The following ABCA12 variants were observed in gnomAD, a reference collection of about 807,000 sequenced individuals.
ABCA12 encodes glucosylceramide transporter ABCA12.
In ABCA12, 156 loss-of-function variants were observed where a neutral mutation model predicts 293.5. The ratio of observed to expected loss-of-function variants is 0.53; its 90% CI spans 0.47 to 0.61. ABCA12 has a LOEUF of 0.61. Among genes scored for constraint, ABCA12 ranks in the 20% least tolerant of loss-of-function variants. ABCA12 has a pLI of 0.00. For missense variants in ABCA12, 2,797 were observed against 3,090.2 expected (o/e 0.91, Z 2.25); for synonymous variants, 1,063 against 1,108.0 (o/e 0.96, Z 0.81).
intron 19 of ABCA12, among the ~76,000 whole-genome samples, chr2:215,005,755 T>G (rs1700240511): frequency 6.6e-6 from 1 of 152,236 alleles, no homozygotes; most frequent in South Asian, 2.1e-4. Flanking sequence ...ATTATTTGGG[T>G]GATGGATATG....
intron 1 of ABCA12, among the ~76,000 whole-genome samples, chr2:215,113,732 C>T (rs1702624501): frequency 6.6e-6 from 1 of 152,220 alleles, no homozygotes; most frequent in Admixed American, 6.5e-5. Flanking sequence ...TTTTCTCTAG[C>T]TTGTTATTAA....
intron 13 of ABCA12, among the ~76,000 whole-genome samples, chr2:215,018,981 G>GT (rs1700565185): frequency 6.6e-6 from 1 of 152,090 alleles, no homozygotes; most frequent in Admixed American, 6.5e-5. Context: ...CATCCTTTTG[G>GT]TTTTTTTCCA....
At chr2:214,957,676 C>A (rs757175597) in intron 41 of ABCA12, among the ~76,000 whole-genome samples, 1 of 152,156 alleles carries the variant, frequency 6.6e-6, no homozygotes, top group Non-Finnish European at 1.5e-5. Context: ...CCATCCTGGG[C>A]TTTTGGCCAA....
rs537269523 is a variant in ABCA12 at position 215,031,889 on chromosome 2, G to A, written c.993C>T (p.Ser331=). 53 of 1,613,664 alleles carry A rather than the reference G, an allele frequency of 3.3e-5. No individual in the cohort carries two copies. In the South Asian group the frequency reaches 3.6e-4, roughly 11 times the overall value. Reference sequence around the variant, plus strand: ...CATTCCACACATGCGTTATATTATCGGAGTCACCTGAAGTAATAATTTTTA... The same window carrying A: ...CATTCCACACATGCGTTATATTATCAGAGTCACCTGAAGTAATAATTTTTA... ...YTLDSPAQGD[S]DNITHVWNED... is the part of the protein sequence containing the mutation. Residue 331 remains serine (S), a synonymous_variant, in exon 9 of 53, where the codon TCC becomes TCT. Transcript: ENST00000272895.
At chr2:215,055,362 C>T (rs886362729) in intron 3 of ABCA12, among the ~76,000 whole-genome samples, 1 of 152,020 alleles carries the variant, frequency 6.6e-6, no homozygotes, top group African/African-American at 2.4e-5. Flanking sequence ...AATTAGTAAC[C>T]CCCTCTTTTC....
intron 36 of ABCA12, among the ~76,000 whole-genome samples, chr2:214,972,253 C>T (rs904310855): frequency 7.2e-5 from 11 of 152,082 alleles, no homozygotes; most frequent in Admixed American, 6.5e-4. Context: ...TCTCAAAAAA[C>T]TTAGTACTTT....
chr2:215,095,292 G>A (rs1246836376), intron 2 of ABCA12, among the ~76,000 whole-genome samples: 3 of 152,116 alleles, frequency 2.0e-5, no homozygotes, highest in South Asian at 2.1e-4. Flanking sequence ...AAACCCCCTT[G>A]GGCACTCTCT....
At position 214,968,728 on chromosome 2, in the gene ABCA12, G is replaced by A; in HGVS notation, c.5770C>T (p.Leu1924Phe). 6.2e-7 allele frequency: 1 copy of A among 1,613,178 alleles called. No individual in the cohort carries two copies. Among genetic ancestry groups the A allele is most frequent in the East Asian group, 2.2e-5 (1 of 44,840 alleles). Reference protein sequence around the residue: ...DITGVPANRTLAKVWYDPEGY... With the variant: ...DITGVPANRTFAKVWYDPEGY... ...AAAAGATCAAAATTTACCTTGGCAA[G>A]TGTTCTATTGGCAGGGACTCCTGTT... Residue 1924 changes from leucine to phenylalanine, a missense_variant, in exon 38 of 53, where the codon CTT becomes TTT. Around this residue, in one of 3 missense-constraint regions of ABCA12, gnomAD observed 2,130 missense variants for 2,427.0 expected, o/e 0.88. Coordinates refer to ENST00000272895, the MANE Select transcript of ABCA12 (RefSeq NM_173076.3).
chr2:215,133,132 T>G lies in ABCA12; in HGVS notation c.69+5008A>C, dbSNP rs1645661403. 2.0e-5 allele frequency among the ~76,000 whole-genome samples: 3 copies of G among 150,818 alleles called. 1 individual carries two copies. Among genetic ancestry groups the G allele is most frequent in the African/African-American group, 7.3e-5 (3 of 41,250 alleles). On this transcript the variant is annotated intron_variant, in intron 1 of 52. Transcript: ENST00000272895. ...GTCCTTTGTAGGTGCTTTGACTCTT[T>G]TCTCTAGCTGGCTTTAATTTTTTTT...
At chr2:214,964,454 A>G (rs1356884956) in intron 39 of ABCA12, among the ~76,000 whole-genome samples, 2 of 152,208 alleles carry the variant, frequency 1.3e-5, no homozygotes, top group Non-Finnish European at 2.9e-5. Context: ...TTTGCAGTTG[A>G]CATGATCCTA....
intron 3 of ABCA12, among the ~76,000 whole-genome samples, chr2:215,058,481 A>T (rs1232844275): frequency 6.6e-6 from 1 of 152,064 alleles, no homozygotes; most frequent in East Asian, 1.9e-4. Flanking sequence ...AACTCTAAAT[A>T]GCTCCAAGGA....
rs188149212 is a variant in ABCA12, at chr2:214,981,820, C to T, written c.4579+367G>A. 6.6e-4 allele frequency among the ~76,000 whole-genome samples: 86 copies of T among 130,782 alleles called. No homozygotes were observed. The East Asian group carries it at 0.011, about 17-fold the overall frequency. 85.8% of individuals were successfully genotyped at this position (130,782 alleles called of 152,430 possible). On this transcript the variant is annotated intron_variant, in intron 30 of 52. Coordinates refer to ENST00000272895, the MANE Select transcript of ABCA12 (RefSeq NM_173076.3). ...TCACTCTGTCATCCAGGCTGGAGTG[C>T]AGTGACTTGATCATAACTTACTGCA...
chr2:215,011,399 A>T, intron 17 of ABCA12, 40 bp downstream of exon 17: 1 of 1,446,272 alleles, frequency 6.9e-7, no homozygotes, highest in Non-Finnish European at 9.7e-7. Flanking sequence ...TCTTATTGTC[A>T]TTAAGGGCAA....
At chr2:214,936,267 T>A (rs111989918) in intron 51 of ABCA12, among the ~76,000 whole-genome samples, 3,606 of 152,322 alleles carry the variant, frequency 0.024, 68 homozygotes, top group Middle Eastern at 0.092. Context: ...TGTTTCTGTA[T>A]AAGAAAAAGC....
chr2:215,024,333 T>A (rs1700694260), intron 11 of ABCA12, among the ~76,000 whole-genome samples: 1 of 152,170 alleles, frequency 6.6e-6, no homozygotes, highest in Non-Finnish European at 1.5e-5. Context: ...AGAGGCTATG[T>A]CTTACAAATA....
chr2:215,001,454 G>A, intron 21 of ABCA12, 104 bp downstream of exon 21: 2 of 1,404,886 alleles, frequency 1.4e-6, no homozygotes, highest in Non-Finnish European at 2.0e-6. Context: ...AGGACCTAAG[G>A]ACCCCCACAC....
intron 2 of ABCA12, among the ~76,000 whole-genome samples, chr2:215,087,023 AC>A (rs1480315522): frequency 6.6e-6 from 1 of 151,554 alleles, no homozygotes; most frequent in Non-Finnish European, 1.5e-5. Flanking sequence ...GCTCACCACA[AC>A]CCCCGCCTCC....
In ABCA12 at chr2:215,019,358, A is replaced by G; in HGVS notation, c.1635T>C (p.Ser545=). The change falls in exon 13 of 53, where the codon AGT becomes AGC. Residue 545 remains serine, a synonymous_variant. Coordinates refer to ENST00000272895, the MANE Select transcript of ABCA12 (RefSeq NM_173076.3). ...CACCTGGCTTTTCAGAAGCATCTGC[A>G]CTGTTATTGACATGCAGCATGGCTT... ...IIEAMLHVNN[S]ADASEKPGQL... The G allele has an allele frequency of 6.2e-7, 1 of 1,612,282 alleles. No individual in the cohort carries two copies. Among genetic ancestry groups the G allele is most frequent in the Non-Finnish European group, 8.5e-7 (1 of 1,179,724 alleles).
intron 50 of ABCA12, among the ~76,000 whole-genome samples, chr2:214,942,057 T>C (rs1192762980): frequency 6.6e-6 from 1 of 152,198 alleles, no homozygotes. Context: ...ATAGTGTTGA[T>C]GGTCTTTACA....
Sources: allele counts gnomAD v4.1 joint callset (sites outside exome capture counted in the v4.1 genomes callset), GRCh38; gene constraint gnomAD v4.1.1; regional missense constraint gnomAD v4.1.1; transcripts MANE v1.5; gene names NCBI Gene and HGNC (gene_info 2026-07-23, HGNC 2026-07-21).